The following UGGT1 variants were observed in gnomAD, a reference collection of about 807,000 sequenced individuals.
UGGT1 encodes the protein UDP-glucose:glycoprotein glucosyltransferase 1.
A neutral mutation model predicts 203.9 loss-of-function variants in UGGT1; 107 were observed. That is an observed-to-expected ratio of 0.52 (90% CI 0.45 to 0.62). The LOEUF is 0.62. UGGT1 is among the 20% of genes least tolerant of loss of function. The probability of loss-of-function intolerance (pLI) is 0.00; values close to 1 mark genes in which losing one functional copy is unlikely to be tolerated. For synonymous variants in UGGT1, 628 were observed against 653.5 expected (o/e 0.96, Z 0.59); for missense variants, 1,673 against 1,867.2 (o/e 0.90, Z 1.92).
chr2:128,112,584 T>C, intron 5 of UGGT1, among the ~76,000 whole-genome samples: 1 of 41,578 alleles, frequency 2.4e-5, no homozygotes, highest in African/African-American at 5.1e-5. Flanking sequence ...ATTTATTTTA[T>C]TCGTTTTTTT....
At chr2:128,159,041 T>A (rs1329409060) in intron 22 of UGGT1, among the ~76,000 whole-genome samples, 1 of 151,842 alleles carries the variant, frequency 6.6e-6, no homozygotes, top group Non-Finnish European at 1.5e-5. Context: ...TTTGAATGCT[T>A]GATGATGGCA....
In UGGT1 at chr2:128,173,923, T is replaced by C; in HGVS notation, c.3437T>C (p.Ile1146Thr). ...GCCAACCCGGTCATTGTGGACACCA[T>C]TGTTATGGCCAATCTGGTAAATAAT... is the stretch of plus-strand genomic sequence containing the variant. ...TSANPVIVDT[I>T]VMANLGYFQL... The change falls in exon 30 of 41, where the codon ATT (isoleucine) becomes ACT (threonine). Residue 1146 changes from isoleucine to threonine, a missense_variant. Physicochemically the swap from Ile to Thr is moderately conservative, Grantham distance 89. Coordinates refer to ENST00000259253, the MANE Select transcript of UGGT1 (RefSeq NM_020120.4). The C allele has an allele frequency of 6.2e-7, 1 of 1,614,182 alleles. No homozygotes were observed. The highest frequency in any genetic ancestry group is 8.5e-7 in the Non-Finnish European group (1 of 1,180,018).
At chr2:128,094,259 A>G (rs181978063) in intron 1 of UGGT1, among the ~76,000 whole-genome samples, 6 of 152,322 alleles carry the variant, frequency 3.9e-5, no homozygotes, top group Non-Finnish European at 8.8e-5. Context: ...CAGATTAAAA[A>G]AAAAAGAAAA....
chr2:128,187,475 G>GA lies in UGGT1; in HGVS notation c.4506dup (p.Leu1503ThrfsTer51). The GA allele has an allele frequency of 6.2e-7, 1 of 1,613,890 alleles. No individual in the cohort carries two copies. The highest frequency in any genetic ancestry group is 8.5e-7 in the Non-Finnish European group (1 of 1,179,870). ...GTAATAATCCGATGACCAAAGAGCC[G>GA]AAACTGGAAGCAGCTGTGCGGATTG... On this transcript the variant is annotated frameshift_variant, in exon 40 of 41. Transcript: ENST00000259253. LOFTEE classifies it high-confidence loss of function.
At chr2:128,163,103 G>C (rs1201816496) in intron 25 of UGGT1, among the ~76,000 whole-genome samples, 1 of 152,106 alleles carries the variant, frequency 6.6e-6, no homozygotes, top group Non-Finnish European at 1.5e-5. Context: ...CAGCCTTCAG[G>C]GAGTTTCTTG....
chr2:128,140,975 A>ATTTTACGTGTGAGCCC (rs1689393995), intron 16 of UGGT1, among the ~76,000 whole-genome samples: 1 of 151,436 alleles, frequency 6.6e-6, no homozygotes, highest in Non-Finnish European at 1.5e-5. Context: ...CGTGTGAGCC[A>ATTTTACGTGTGAGCCC]CTGGGGCTTG....
chr2:128,145,199 T>A (rs542437796), intron 17 of UGGT1, among the ~76,000 whole-genome samples: 33 of 152,212 alleles, frequency 2.2e-4, no homozygotes, highest in Admixed American at 3.3e-4. Context: ...GGTGCAAATA[T>A]TTACCTCAGG....
chr2:128,166,554 A>G (rs1404008171), intron 26 of UGGT1, among the ~76,000 whole-genome samples: 1 of 152,234 alleles, frequency 6.6e-6, no homozygotes, highest in African/African-American at 2.4e-5. Flanking sequence ...TCCAGATTAC[A>G]TATTACAGAG....
rs376905556 is a variant in UGGT1 at position 128,177,967 on chromosome 2, A to G, written c.3713+47A>G. On this transcript the variant is annotated intron_variant, in intron 33 of 40. Transcript: ENST00000259253. ...TATGTTTTTAAGGAAAAACTGAGATATAAGCACCATCCATCCCTCCTTTTT... is the reference window on the plus strand; with the variant it reads ...TATGTTTTTAAGGAAAAACTGAGATGTAAGCACCATCCATCCCTCCTTTTT... 1.1e-4 allele frequency: 163 copies of G among 1,490,328 alleles called. 2 individuals are homozygous for G. The African/African-American group carries it at 1.8e-3, about 16-fold the overall frequency. 92.3% of individuals were successfully genotyped at this position (1,490,328 alleles called of 1,614,324 possible).
chr2:128,186,040 C>T (rs1226865061), intron 38 of UGGT1, among the ~76,000 whole-genome samples: 2 of 152,174 alleles, frequency 1.3e-5, no homozygotes, highest in Admixed American at 1.3e-4. Context: ...TACGAACCAC[C>T]ACTCTATTTA....
At chr2:128,135,589 T>G (rs569418336) in intron 15 of UGGT1, among the ~76,000 whole-genome samples, 20 of 152,350 alleles carry the variant, frequency 1.3e-4, no homozygotes, top group African/African-American at 4.6e-4. Flanking sequence ...TCAATAAATA[T>G]TACTGTGTGT....
intron 34 of UGGT1, among the ~76,000 whole-genome samples, chr2:128,179,140 C>G (rs1469353158): frequency 6.6e-6 from 1 of 151,420 alleles, no homozygotes; most frequent in Non-Finnish European, 1.5e-5. Flanking sequence ...ATTGCCAGGG[C>G]TCTGTTCACT....
Position 128,191,216 on chromosome 2 carries a change from A to G in UGGT1, c.*1474A>G, listed in dbSNP as rs1384526022. On this transcript the variant is annotated 3_prime_UTR_variant, in exon 41 of 41. Coordinates refer to ENST00000259253, the MANE Select transcript of UGGT1 (RefSeq NM_020120.4). Reference sequence around the variant, plus strand: ...TACTGTGCCCTCACCCTCCTAAGCCAGGTAATATATTGATGTGCAGACTTT... The same window carrying G: ...TACTGTGCCCTCACCCTCCTAAGCCGGGTAATATATTGATGTGCAGACTTT... 1.3e-5 allele frequency: 2 copies of G among 152,362 alleles called. No homozygotes were observed. Among genetic ancestry groups the G allele is most frequent in the African/African-American group, 4.8e-5 (2 of 41,596 alleles). 9.4% of individuals were successfully genotyped at this position (152,362 alleles called of 1,614,324 possible).
chr2:128,182,322 C>G, intron 37 of UGGT1, 32 bp downstream of exon 37: 9 of 1,566,578 alleles, frequency 5.7e-6, no homozygotes, highest in South Asian at 1.2e-5. Context: ...AACACTGTTA[C>G]GGGGTTTTCC....
At chr2:128,112,743 C>T (rs1329242971) in intron 5 of UGGT1, among the ~76,000 whole-genome samples, 1 of 151,330 alleles carries the variant, frequency 6.6e-6, no homozygotes, top group Non-Finnish European at 1.5e-5. Flanking sequence ...CCACCATACC[C>T]AGCTAATTTT....
rs1691180018 is a variant in UGGT1, at chr2:128,172,816, T to A, written c.3294+54T>A. ...CCTAATCATGTATAATACAGCAGATTGAATCATAGTCTAGGTGGGCCTCTG... is the reference window on the plus strand; with the variant it reads ...CCTAATCATGTATAATACAGCAGATAGAATCATAGTCTAGGTGGGCCTCTG... On this transcript the variant is annotated intron_variant, in intron 29 of 40. Coordinates refer to ENST00000259253, the MANE Select transcript of UGGT1 (RefSeq NM_020120.4). The A allele has an allele frequency of 2.6e-6, 4 of 1,532,124 alleles. No individual in the cohort carries two copies. The South Asian group carries it at 3.5e-5, about 13-fold the overall frequency. The allele number at this position is 1,532,124 out of a possible 1,614,324, so 94.9% of individuals were successfully genotyped here. A position where few individuals can be genotyped will look rare whatever the true frequency, so the allele number is the denominator to read the frequency against.
chr2:128,136,608 C>A (rs1479499257), intron 15 of UGGT1, among the ~76,000 whole-genome samples: 1 of 152,182 alleles, frequency 6.6e-6, no homozygotes, highest in Non-Finnish European at 1.5e-5. Context: ...TATCCATTCA[C>A]TTAATTGAAA....
intron 8 of UGGT1, among the ~76,000 whole-genome samples, chr2:128,117,033 A>G (rs1688133281): frequency 6.6e-6 from 1 of 152,198 alleles, no homozygotes; most frequent in South Asian, 2.1e-4. Flanking sequence ...TGCGAAATAG[A>G]TATAGTAAAT....
At chr2:128,158,104 C>T (rs1690329082) in intron 22 of UGGT1, among the ~76,000 whole-genome samples, 1 of 152,156 alleles carries the variant, frequency 6.6e-6, no homozygotes, top group African/African-American at 2.4e-5. Context: ...GAAGTTAGAA[C>T]AGGGCAGTTC....
Sources: allele counts gnomAD v4.1 joint callset (sites outside exome capture counted in the v4.1 genomes callset), GRCh38; gene constraint gnomAD v4.1.1; transcripts MANE v1.5; gene names NCBI Gene and HGNC (gene_info 2026-07-23, HGNC 2026-07-21).